Variants in DGLUCY observed in about 807,000 individuals in gnomAD.
DGLUCY encodes the protein D-glutamate cyclase, mitochondrial.
In DGLUCY, 58 loss-of-function variants were observed where a neutral mutation model predicts 58.5. The ratio of observed to expected loss-of-function variants is 0.99; its 90% CI spans 0.80 to 1.23. The LOEUF (loss-of-function observed/expected upper bound fraction) is 1.23, where lower values mean the gene tolerates loss of function less well. DGLUCY is among the 50% of genes most tolerant of loss of function. DGLUCY has a pLI of 0.00. For missense variants in DGLUCY, 779 were observed against 784.7 expected, an observed-to-expected ratio of 0.99 and a Z score of 0.09; for synonymous variants, 325 against 314.1, an observed-to-expected ratio of 1.03 and a Z score of -0.37.
chr14:91,152,119 G>C (rs1306156394), intron 1 of DGLUCY, among the ~76,000 whole-genome samples: 1 of 152,200 alleles, frequency 6.6e-6, no homozygotes, highest in Non-Finnish European at 1.5e-5. Context: ...AGGTGTTGTG[G>C]CTCATGCCTG....
At chr14:91,132,899 G>A (rs2046107719) in intron 1 of DGLUCY, among the ~76,000 whole-genome samples, 1 of 152,088 alleles carries the variant, frequency 6.6e-6, no homozygotes, top group East Asian at 1.9e-4. Context: ...CCTCATATCA[G>A]TGGAATCATA....
intron 3 of DGLUCY, among the ~76,000 whole-genome samples, chr14:91,161,711 G>A (rs74786502): frequency 1.7e-4 from 26 of 152,188 alleles, no homozygotes; most frequent in African/African-American, 5.8e-4. Flanking sequence ...AAATCACAGG[G>A]CCAAGGCCAG....
At chr14:91,096,315 G>A (rs1329494894) in intron 1 of DGLUCY, among the ~76,000 whole-genome samples, 1 of 152,088 alleles carries the variant, frequency 6.6e-6, no homozygotes, top group African/African-American at 2.4e-5. Flanking sequence ...TTGGGAGGCT[G>A]AGGCAGGAGA....
Position 91,143,050 on chromosome 14 carries a change from G to T in DGLUCY, c.-81-14589G>T, listed in dbSNP as rs540570910. ...CTCTCAAAAAAAAAAAAAAAAAAAA[G>T]GATCTAATGGCAGTTTTGGCAGTTC... On this transcript the variant is annotated intron_variant, in intron 1 of 13. Coordinates refer to ENST00000256324, the MANE Select transcript of DGLUCY (RefSeq NM_001102368.3). 1.2e-3 allele frequency among the ~76,000 whole-genome samples: 164 copies of T among 137,748 alleles called. 1 individual carries two copies. Among genetic ancestry groups the T allele is most frequent in the African/African-American group, 4.1e-3 (151 of 36,726 alleles). The allele number at this position is 137,748 out of a possible 152,430, so 90.4% of individuals were successfully genotyped here.
chr14:91,202,437 C>T (rs2050630955), intron 11 of DGLUCY, among the ~76,000 whole-genome samples: 1 of 152,154 alleles, frequency 6.6e-6, no homozygotes, highest in Non-Finnish European at 1.5e-5. Context: ...TCTCCTTTGG[C>T]TTTTGAGGTT....
intron 1 of DGLUCY, among the ~76,000 whole-genome samples, chr14:91,071,085 T>C (rs2043907585): frequency 6.6e-6 from 1 of 151,624 alleles, no homozygotes; most frequent in Non-Finnish European, 1.5e-5. Context: ...ATAATCCCAG[T>C]ACTTTGGGAG....
At chr14:91,150,372 T>C (rs951311026) in intron 1 of DGLUCY, among the ~76,000 whole-genome samples, 8 of 152,086 alleles carry the variant, frequency 5.3e-5, no homozygotes, top group Admixed American at 2.6e-4. Context: ...GAGTCTGGTG[T>C]GGTGCTTTTC....
Position 91,181,377 on chromosome 14 carries a change from G to T in DGLUCY, c.922G>T (p.Gly308Cys), listed in dbSNP as rs760820803. ...GATCAGAGAACTAGAGTCTATGATCGGCATAGACCCAGGTAAGAAACAACA... is the reference window on the plus strand; with the variant it reads ...GATCAGAGAACTAGAGTCTATGATCTGCATAGACCCAGGTAAGAAACAACA... ...QKIRELESMI[G>C]IDPGNRGIGH... The change falls in exon 8 of 14, where the codon GGC (glycine) becomes TGC (cysteine). Residue 308 changes from glycine to cysteine, a missense_variant. By Grantham distance (159) the Gly-to-Cys change is radical. Coordinates refer to ENST00000256324, the MANE Select transcript of DGLUCY (RefSeq NM_001102368.3). 1.2e-6 allele frequency: 2 copies of T among 1,612,860 alleles called. No homozygotes were observed. The highest frequency in any genetic ancestry group is 3.3e-5 in the Admixed American group (2 of 59,986).
At chr14:91,112,249 C>CAA (rs1297795479), upstream of DGLUCY, among the ~76,000 whole-genome samples, 3 of 98,784 alleles carry the variant, frequency 3.0e-5, no homozygotes, top group Non-Finnish European at 6.5e-5. Context: ...AACTCTGTCT[C>CAA]AAAAAAAAAA....
chr14:91,150,931 ACT>A (rs1004280811), intron 1 of DGLUCY, among the ~76,000 whole-genome samples: 2 of 151,824 alleles, frequency 1.3e-5, no homozygotes, highest in South Asian at 2.1e-4. Context: ...CCAAACTGAA[ACT>A]CTCTGCCCAT....
chr14:91,189,978 CTTTTTTTTTTTTTTTT>C (rs55652724), intron 9 of DGLUCY, among the ~76,000 whole-genome samples: 2 of 81,004 alleles, frequency 2.5e-5, no homozygotes, highest in Non-Finnish European at 4.6e-5. Flanking sequence ...CTGTTAGGTT[CTTTTTTTTTTTTTTTT>C]TTTTTTTTTT....
At chr14:91,127,020 G>C (rs1363832648) in intron 1 of DGLUCY, among the ~76,000 whole-genome samples, 2 of 143,206 alleles carry the variant, frequency 1.4e-5, no homozygotes, top group Non-Finnish European at 3.0e-5. Context: ...GCTGGCCGAT[G>C]TACATTCTTC....
At chr14:91,181,420 C>T (rs758804111) in intron 8 of DGLUCY, 31 bp downstream of exon 8, 6 of 1,591,280 alleles carry the variant, frequency 3.8e-6, no homozygotes, top group Non-Finnish European at 5.1e-6. Context: ...TCGGCATAGA[C>T]CCAGGTAAGA....
intron 1 of DGLUCY, among the ~76,000 whole-genome samples, chr14:91,091,756 T>C (rs907355763): frequency 6.6e-6 from 1 of 152,186 alleles, no homozygotes; most frequent in Non-Finnish European, 1.5e-5. Flanking sequence ...CAGAGACCCC[T>C]GTTCCATCCC....
intron 7 of DGLUCY, among the ~76,000 whole-genome samples, chr14:91,178,506 C>T (rs1011311009): frequency 6.6e-6 from 1 of 152,094 alleles, no homozygotes; most frequent in African/African-American, 2.4e-5. Context: ...AGATTATGTG[C>T]AACAGACCTC....
chr14:91,173,310 C>T lies in DGLUCY; in HGVS notation c.478C>T (p.His160Tyr). The change falls in exon 6 of 14, where the codon CAT becomes TAT. Residue 160 changes from histidine to tyrosine, a missense_variant. Coordinates refer to ENST00000256324, the MANE Select transcript of DGLUCY (RefSeq NM_001102368.3). ...TCAGACAACAGTGCCTTGTGTTACC[C>T]ATGCTGGCTTCTGCTGCCCTCTGGT... ...AYKTTVPCVTHAGFCCPLVVT... is the reference protein window; with the variant it reads ...AYKTTVPCVTYAGFCCPLVVT... 1 of 1,613,360 alleles carries T rather than the reference C, an allele frequency of 6.2e-7. No homozygotes were observed. The highest frequency in any genetic ancestry group is 1.1e-5 in the South Asian group (1 of 91,016).
At chr14:91,180,139 C>T (rs1420900527) in intron 7 of DGLUCY, among the ~76,000 whole-genome samples, 1 of 151,656 alleles carries the variant, frequency 6.6e-6, no homozygotes, top group Non-Finnish European at 1.5e-5. Flanking sequence ...ATCCACCCTC[C>T]TTGGCCTCCC....
chr14:91,118,772 A>C (rs1053969086), intron 1 of DGLUCY, among the ~76,000 whole-genome samples: 5 of 152,106 alleles, frequency 3.3e-5, no homozygotes, highest in African/African-American at 1.2e-4. Context: ...GGTCCATTCA[A>C]TTGGTTGAAG....
At chr14:91,194,372 G>A (rs1381658063) in intron 9 of DGLUCY, among the ~76,000 whole-genome samples, 1 of 152,046 alleles carries the variant, frequency 6.6e-6, no homozygotes, top group Non-Finnish European at 1.5e-5. Context: ...GGAAGGGCTG[G>A]GTCATTCCCC....
Sources: gnomAD v4.1 joint callset for allele counts (sites outside exome capture counted in the v4.1 genomes callset) on GRCh38, gnomAD v4.1.1 for gene constraint, MANE v1.5 for transcripts, NCBI Gene and HGNC (gene_info 2026-07-23, HGNC 2026-07-21) for gene names.